The following PDLIM5 variants were observed in gnomAD, a reference collection of about 807,000 sequenced individuals.
PDLIM5 encodes the protein PDZ and LIM domain 5.
In PDLIM5, 34 loss-of-function variants were observed where a neutral mutation model predicts 64.2. The ratio of observed to expected loss-of-function variants is 0.53; its 90% CI spans 0.40 to 0.71. The LOEUF (loss-of-function observed/expected upper bound fraction) is 0.71. PDLIM5 is among the 30% of genes least tolerant of loss of function. The pLI, the probability that PDLIM5 is intolerant of heterozygous loss-of-function variation, is 0.00. For missense variants in PDLIM5, 683 were observed against 733.6 expected (o/e 0.93, Z 0.80); for synonymous variants, 253 against 269.1 (o/e 0.94, Z 0.59).
chr4:94,652,330 C>T (rs1430203038), intron 9 of PDLIM5, among the ~76,000 whole-genome samples: 2 of 152,158 alleles, frequency 1.3e-5, no homozygotes, highest in Admixed American at 6.5e-5. Flanking sequence ...TTTTAATGTG[C>T]AGCCAGAGAG....
chr4:94,523,648 C>G (rs1256350664), intron 2 of PDLIM5, 76 bp from the exon 3 acceptor site: 4 of 1,163,628 alleles, frequency 3.4e-6, no homozygotes, highest in Non-Finnish European at 4.9e-6. Flanking sequence ...TTGGTATAAG[C>G]AAAAGTATAA....
chr4:94,657,314 T>C, intron 10 of PDLIM5, 113 bp from the exon 11 acceptor site: 1 of 645,264 alleles, frequency 1.5e-6, no homozygotes, highest in Non-Finnish European at 2.7e-6. Context: ...ATGAAGTATG[T>C]GTGCCTACTT....
At chr4:94,520,508 T>C (rs1041038010) in intron 2 of PDLIM5, among the ~76,000 whole-genome samples, 3 of 152,256 alleles carry the variant, frequency 2.0e-5, no homozygotes, top group African/African-American at 7.2e-5. Context: ...TTGTAGTCTT[T>C]CCTTGGCTGC....
chr4:94,573,445 T>A (rs769355062), intron 4 of PDLIM5, 52 bp downstream of exon 4: 2 of 1,324,134 alleles, frequency 1.5e-6, no homozygotes, highest in Non-Finnish European at 2.2e-6. Context: ...CTTGCTGAGC[T>A]ACTGTAATTC....
rs1178612143 is a variant in PDLIM5, at chr4:94,515,908, GT to G, written c.97-7813del. On this transcript the variant is annotated intron_variant, in intron 2 of 12. Coordinates refer to ENST00000317968, the MANE Select transcript of PDLIM5 (RefSeq NM_006457.5). ...TAACAAATTTGTTTGATTTTCAGATGTTTGTGGATGTGTTCTTTTTACAGAC... is the reference window on the plus strand; with the variant it reads ...TAACAAATTTGTTTGATTTTCAGATGTTGTGGATGTGTTCTTTTTACAGAC... Among the ~76,000 whole-genome samples, 4 of 152,286 alleles carry G rather than the reference GT, an allele frequency of 2.6e-5. No homozygotes were observed. In the East Asian group the frequency reaches 7.7e-4, roughly 29 times the overall value.
intron 8 of PDLIM5, among the ~76,000 whole-genome samples, chr4:94,619,200 A>G (rs998599890): frequency 1.3e-5 from 2 of 152,018 alleles, no homozygotes; most frequent in Admixed American, 6.6e-5. Context: ...ACTTTTTATT[A>G]TTTCTCAAAT....
rs57625095 is a variant in PDLIM5, at chr4:94,527,046, C to CTTTTT, written c.248+3195_248+3199dup. Reference sequence around the variant, plus strand: ...CATTGCGCCCGGCCTGAACAGCATTCTTTTTTTTTTTTTTTTTTTTTTTTT... The same window carrying CTTTTT: ...CATTGCGCCCGGCCTGAACAGCATTCTTTTTTTTTTTTTTTTTTTTTTTTTTTTTT... On this transcript the variant is annotated intron_variant, in intron 3 of 12. Transcript: ENST00000317968. 4.1e-3 allele frequency among the ~76,000 whole-genome samples: 235 copies of CTTTTT among 57,814 alleles called. 40 individuals are homozygous for CTTTTT. The highest frequency in any genetic ancestry group is 5.6e-3 in the Non-Finnish European group (173 of 30,996). 37.9% of individuals were successfully genotyped at this position (57,814 alleles called of 152,430 possible).
intron 2 of PDLIM5, among the ~76,000 whole-genome samples, chr4:94,465,900 A>G (rs1355655996): frequency 2.0e-5 from 3 of 151,452 alleles, no homozygotes; most frequent in Non-Finnish European, 4.4e-5. Context: ...AGATAGCCAA[A>G]TTTGTGTGTT....
intron 8 of PDLIM5, among the ~76,000 whole-genome samples, chr4:94,620,911 TAAAAG>T (rs1333455354): frequency 6.6e-6 from 1 of 150,806 alleles, no homozygotes; most frequent in East Asian, 2.0e-4. Flanking sequence ...CTACTAAAAA[TAAAAG>T]AAAAGTTAGC....
intron 2 of PDLIM5, among the ~76,000 whole-genome samples, chr4:94,488,728 C>T (rs1298707180): frequency 1.3e-5 from 2 of 152,224 alleles, no homozygotes; most frequent in African/African-American, 4.8e-5. Flanking sequence ...CGAGTCAGAT[C>T]TTCAGCAATG....
chr4:94,510,036 C>G (rs932944967), intron 2 of PDLIM5, among the ~76,000 whole-genome samples: 29 of 152,304 alleles, frequency 1.9e-4, no homozygotes, highest in African/African-American at 5.5e-4. Context: ...TCATCAGCAT[C>G]TGGCACTTAT....
intron 5 of PDLIM5, among the ~76,000 whole-genome samples, chr4:94,581,925 A>T (rs1420070336): frequency 6.6e-6 from 1 of 152,332 alleles, no homozygotes; most frequent in East Asian, 1.9e-4. Flanking sequence ...CTTCTGGGCA[A>T]TAATTATATC....
chr4:94,502,867 A>G (rs1167266330), intron 2 of PDLIM5, among the ~76,000 whole-genome samples: 2 of 151,598 alleles, frequency 1.3e-5, no homozygotes, highest in African/African-American at 2.4e-5. Context: ...ATGGAGTGAG[A>G]CTCCACCTCA....
At chr4:94,493,467 T>C (rs1196639914) in intron 2 of PDLIM5, among the ~76,000 whole-genome samples, 1 of 152,094 alleles carries the variant, frequency 6.6e-6, no homozygotes, top group Admixed American at 6.5e-5. Context: ...TGGGCCACCA[T>C]GCTTGGATAA....
chr4:94,528,981 A>G (rs1488019753), intron 3 of PDLIM5, among the ~76,000 whole-genome samples: 1 of 152,242 alleles, frequency 6.6e-6, no homozygotes, highest in African/African-American at 2.4e-5. Flanking sequence ...GGAGGCTGGT[A>G]TAGCCAAACA....
At chr4:94,560,903 T>C (rs1181258521) in intron 3 of PDLIM5, among the ~76,000 whole-genome samples, 1 of 152,110 alleles carries the variant, frequency 6.6e-6, no homozygotes, top group Non-Finnish European at 1.5e-5. Context: ...ATTTTCTGTG[T>C]TTTTAGTAGA....
chr4:94,628,328 T>G (rs915347294), intron 8 of PDLIM5, among the ~76,000 whole-genome samples: 2 of 152,196 alleles, frequency 1.3e-5, no homozygotes, highest in African/African-American at 4.8e-5. Flanking sequence ...AGATGCTAAA[T>G]TCAAACATAA....
At chr4:94,465,936 A>ATG (rs909858642) in intron 2 of PDLIM5, among the ~76,000 whole-genome samples, 7 of 148,596 alleles carry the variant, frequency 4.7e-5, no homozygotes, top group African/African-American at 1.5e-4. Flanking sequence ...ATGTGTGTGT[A>ATG]TGTGTGTGTG....
At chr4:94,503,246 C>G (rs1451656105) in intron 2 of PDLIM5, among the ~76,000 whole-genome samples, 7 of 152,168 alleles carry the variant, frequency 4.6e-5, no homozygotes, top group African/African-American at 1.7e-4. Flanking sequence ...CCTCATCTCC[C>G]TCACCACCTA....
Sources: gnomAD v4.1 joint callset for allele counts (sites outside exome capture counted in the v4.1 genomes callset) on GRCh38, gnomAD v4.1.1 for gene constraint, MANE v1.5 for transcripts, NCBI Gene and HGNC (gene_info 2026-07-23, HGNC 2026-07-21) for gene names.